The following TLL2 variants were observed in gnomAD, a reference collection of about 807,000 sequenced individuals.
TLL2 encodes the protein tolloid like 2, also known as tolloid-like protein 2.
Under a neutral mutation model 123.0 loss-of-function variants are expected in TLL2, and 106 were observed. The observed-to-expected ratio is 0.86, with a 90% CI of 0.74 to 1.01. The LOEUF (loss-of-function observed/expected upper bound fraction) is 1.01, where lower values mean the gene tolerates loss of function less well. Among genes scored for constraint, TLL2 ranks in the 50% least tolerant of loss-of-function variants. TLL2 has a pLI of 0.00. For missense variants in TLL2, 1,332 were observed against 1,336.7 expected (o/e 1.00, Z 0.06); for synonymous variants, 494 against 516.8 (o/e 0.96, Z 0.60).
At chr10:96,469,255 G>C (rs1337491515) in intron 2 of TLL2, among the ~76,000 whole-genome samples, 2 of 152,194 alleles carry the variant, frequency 1.3e-5, no homozygotes, top group African/African-American at 4.8e-5. Context: ...TCTGACCTGG[G>C]CTCCGATATT....
intron 1 of TLL2, among the ~76,000 whole-genome samples, chr10:96,484,605 AC>A (rs1401188559): frequency 1.3e-5 from 2 of 151,366 alleles, no homozygotes; most frequent in Admixed American, 6.6e-5. Context: ...ACACACACAC[AC>A]ACACACACAC....
chr10:96,449,057 C>T (rs78759989), intron 2 of TLL2, among the ~76,000 whole-genome samples: 1 of 152,180 alleles, frequency 6.6e-6, no homozygotes, highest in Non-Finnish European at 1.5e-5. Context: ...TTTACTAAGT[C>T]CCAATTATAG....
rs547133470 is a variant in TLL2, at chr10:96,466,293, G to A, written c.286+14056C>T. On this transcript the variant is annotated intron_variant, in intron 2 of 20. Coordinates refer to ENST00000357947, the MANE Select transcript of TLL2 (RefSeq NM_012465.4). ...CCTTAAAGAGGACCAAAGAGAAATA[G>A]GATGACCAGAACATGGAAGAAGATT... is the stretch of plus-strand genomic sequence containing the variant. 1.3e-3 allele frequency among the ~76,000 whole-genome samples: 191 copies of A among 152,280 alleles called. 1 individual carries two copies. Among genetic ancestry groups the A allele is most frequent in the Non-Finnish European group, 2.2e-3 (151 of 68,000 alleles).
intron 2 of TLL2, among the ~76,000 whole-genome samples, chr10:96,476,240 A>ATATATATATATATATATCTTTTTTTTTTT: frequency 4.9e-5 from 1 of 20,502 alleles, no homozygotes; most frequent in African/African-American, 1.7e-4. Context: ...ATATATATAT[A>ATATATATATATATATATCTTTTTTTTTTT]TTTTATTTTT....
intron 2 of TLL2, among the ~76,000 whole-genome samples, chr10:96,477,693 C>T (rs916566670): frequency 1.2e-4 from 18 of 152,188 alleles, no homozygotes; most frequent in Non-Finnish European, 5.9e-5. Context: ...AGGATTATTG[C>T]TATTTGCATT....
intron 7 of TLL2, among the ~76,000 whole-genome samples, chr10:96,420,016 T>C (rs1204185754): frequency 2.0e-5 from 3 of 152,330 alleles, no homozygotes; most frequent in African/African-American, 7.2e-5. Context: ...CTTAGCTTTC[T>C]AGCCATATTT....
intron 1 of TLL2, among the ~76,000 whole-genome samples, chr10:96,509,002 T>C (rs931439399): frequency 1.3e-5 from 2 of 152,112 alleles, no homozygotes; most frequent in Non-Finnish European, 2.9e-5. Flanking sequence ...ACAGTTTCCA[T>C]TTGGTTCTCT....
chr10:96,492,887 T>C (rs555471134), intron 1 of TLL2, among the ~76,000 whole-genome samples: 2 of 152,268 alleles, frequency 1.3e-5, no homozygotes, highest in South Asian at 4.1e-4. Flanking sequence ...TCCACAGTCC[T>C]CCAGGAATGA....
intron 2 of TLL2, among the ~76,000 whole-genome samples, chr10:96,473,141 C>T (rs191242245): frequency 3.9e-5 from 6 of 152,218 alleles, no homozygotes; most frequent in Admixed American, 1.3e-4. Context: ...ACTCTAGGAA[C>T]CAAAGGGTCT....
chr10:96,474,217 C>A (rs892133628), intron 2 of TLL2, among the ~76,000 whole-genome samples: 2 of 152,148 alleles, frequency 1.3e-5, no homozygotes, highest in Non-Finnish European at 2.9e-5. Flanking sequence ...CTTGCCCCCA[C>A]ACACATCCAA....
intron 3 of TLL2, among the ~76,000 whole-genome samples, chr10:96,443,443 A>T (rs1468552091): frequency 6.6e-6 from 1 of 152,186 alleles, no homozygotes; most frequent in African/African-American, 2.4e-5. Flanking sequence ...AAGGAGGCAC[A>T]CTGGGGCACT....
chr10:96,410,604 T>C (rs1334162614), intron 8 of TLL2, 130 bp from the exon 9 acceptor site: 2 of 743,656 alleles, frequency 2.7e-6, no homozygotes, highest in South Asian at 3.0e-5. Flanking sequence ...TGGTGAGAAG[T>C]GTAGCAAGCA....
At chr10:96,387,879 G>C (rs1431748391) in intron 13 of TLL2, among the ~76,000 whole-genome samples, 1 of 152,204 alleles carries the variant, frequency 6.6e-6, no homozygotes, top group East Asian at 1.9e-4. Context: ...ACACATGTTA[G>C]AAATAAAAGG....
chr10:96,513,868 G>A lies in TLL2; in HGVS notation c.-183C>T, dbSNP rs1288975280. On this transcript the variant is annotated 5_prime_UTR_variant, in exon 1 of 21. Transcript: ENST00000357947. ...GCCCCCTGTCTTCGTCGAGGCAACC[G>A]GGAAGCAGCCGCTCGGAGCTACTTG... 1.9e-5 allele frequency: 12 copies of A among 618,746 alleles called. No homozygotes were observed. Among genetic ancestry groups the A allele is most frequent in the African/African-American group, 1.8e-4 (9 of 51,152 alleles). 38.3% of individuals were successfully genotyped at this position (618,746 alleles called of 1,614,324 possible). A position where few individuals can be genotyped will look rare whatever the true frequency, so the allele number is the denominator to read the frequency against.
chr10:96,374,366 T>C (rs574798127), intron 18 of TLL2: 1 of 160,454 alleles, frequency 6.2e-6, no homozygotes, highest in South Asian at 1.9e-4. Flanking sequence ...ATACTGAGAG[T>C]TGGGCCATGA....
At chr10:96,414,703 T>TGCCC (rs1254462100) in intron 7 of TLL2, among the ~76,000 whole-genome samples, 1 of 152,144 alleles carries the variant, frequency 6.6e-6, no homozygotes, top group African/African-American at 2.4e-5. Flanking sequence ...GGCTGTCCTA[T>TGCCC]GGGCCTCTTA....
At chr10:96,487,820 A>G (rs1257930342) in intron 1 of TLL2, among the ~76,000 whole-genome samples, 1 of 152,148 alleles carries the variant, frequency 6.6e-6, no homozygotes, top group Non-Finnish European at 1.5e-5. Context: ...AGCTCTTAGC[A>G]TCTACTCAAC....
At chr10:96,389,476 G>A (rs1846264676) in intron 13 of TLL2, among the ~76,000 whole-genome samples, 1 of 152,180 alleles carries the variant, frequency 6.6e-6, no homozygotes, top group Admixed American at 6.5e-5. Flanking sequence ...AGGGAGACAA[G>A]GCAAGAACAG....
chr10:96,382,237 G>A (rs1473943818), intron 16 of TLL2, among the ~76,000 whole-genome samples: 1 of 152,164 alleles, frequency 6.6e-6, no homozygotes, highest in African/African-American at 2.4e-5. Flanking sequence ...CACCACGTTG[G>A]GCAGGATGGT....
Sources: gnomAD v4.1 joint callset for allele counts (sites outside exome capture counted in the v4.1 genomes callset) on GRCh38, gnomAD v4.1.1 for gene constraint, MANE v1.5 for transcripts, NCBI Gene and HGNC (gene_info 2026-07-23, HGNC 2026-07-21) for gene names.